The following ANKRD30BL variants were observed in gnomAD, a reference collection of about 807,000 sequenced individuals.
The protein encoded by ANKRD30BL is putative ankyrin repeat domain-containing protein 30B-like.
Under a neutral mutation model 18.4 loss-of-function variants are expected in ANKRD30BL, and 20 were observed. The observed-to-expected ratio is 1.09, with a 90% CI of 0.77 to 1.58. ANKRD30BL has a LOEUF of 1.58. Among genes scored for constraint, ANKRD30BL ranks in the 40% most tolerant of loss-of-function variants. The pLI is 0.00. For missense variants in ANKRD30BL, 224 were observed against 268.6 expected, an observed-to-expected ratio of 0.83 and a Z score of 1.16; for synonymous variants, 72 against 100.9, an observed-to-expected ratio of 0.71 and a Z score of 1.72.
At chr2:132,253,736 G>C (rs1227553532) in intron 1 of ANKRD30BL, among the ~76,000 whole-genome samples, 1 of 151,512 alleles carries the variant, frequency 6.6e-6, no homozygotes, top group Non-Finnish European at 1.5e-5. Flanking sequence ...GCAGACCGGC[G>C]ACCCCTCAAG....
intron 1 of ANKRD30BL, among the ~76,000 whole-genome samples, chr2:132,235,755 C>T (rs988270757): frequency 7.2e-5 from 11 of 152,046 alleles, no homozygotes; most frequent in African/African-American, 2.7e-4. Context: ...TGAAAATGGC[C>T]ATACTGCCCA....
chr2:132,236,800 A>G (rs1246783903), intron 1 of ANKRD30BL, among the ~76,000 whole-genome samples: 1 of 152,000 alleles, frequency 6.6e-6, no homozygotes, highest in Non-Finnish European at 1.5e-5. Context: ...ACTATAAATC[A>G]TGCTGCTATA....
At chr2:132,202,950 G>A (rs903978925) in intron 1 of ANKRD30BL, among the ~76,000 whole-genome samples, 1 of 152,200 alleles carries the variant, frequency 6.6e-6, no homozygotes. Flanking sequence ...TTATTACTGG[G>A]AGAGCCTCAC....
intron 1 of ANKRD30BL, among the ~76,000 whole-genome samples, chr2:132,159,270 G>T (rs1558913719): frequency 6.6e-6 from 1 of 152,022 alleles, no homozygotes; most frequent in East Asian, 1.9e-4. Context: ...TAAATTCACT[G>T]AAATGTATTT....
intron 1 of ANKRD30BL, among the ~76,000 whole-genome samples, chr2:132,160,719 C>T (rs76038871): frequency 8.6e-5 from 13 of 152,018 alleles, no homozygotes; most frequent in Non-Finnish European, 1.9e-4. Context: ...TGATCCACCG[C>T]GCCTGGCCAT....
chr2:132,225,669 T>A (rs1455865133), intron 1 of ANKRD30BL, among the ~76,000 whole-genome samples: 1 of 152,048 alleles, frequency 6.6e-6, no homozygotes. Flanking sequence ...TATCTTCACA[T>A]AAACACTAGA....
chr2:132,184,075 C>G (rs1440706963), intron 1 of ANKRD30BL, among the ~76,000 whole-genome samples: 1 of 151,740 alleles, frequency 6.6e-6, no homozygotes, highest in Admixed American at 6.6e-5. Flanking sequence ...ATAAAGGAAT[C>G]AAGATTTTTT....
At chr2:132,246,083 T>C (rs370263897) in intron 1 of ANKRD30BL, among the ~76,000 whole-genome samples, 1 of 136,780 alleles carries the variant, frequency 7.3e-6, no homozygotes, top group African/African-American at 2.7e-5. Context: ...ATCTGCAAGT[T>C]GATATTTGGA....
chr2:132,156,246 G>A (rs963525758), intron 3 of ANKRD30BL: 23 of 151,982 alleles, frequency 1.5e-4, no homozygotes, highest in African/African-American at 5.3e-4. Flanking sequence ...AAGGCTTAAA[G>A]GCTTTCTAAT....
chr2:132,147,876 G>A lies in ANKRD30BL; in HGVS notation c.*255C>T, dbSNP rs1453104755. On this transcript the variant is annotated 3_prime_UTR_variant, in exon 6 of 6. Transcript: ENST00000409867. ...TCTAAGGATGACTAAGGACAGAGCA[G>A]GTTACTAAGAATGACTAAAGACAAA... 12 of 448,466 alleles carry A rather than the reference G, an allele frequency of 2.7e-5. No individual in the cohort carries two copies. The highest frequency in any genetic ancestry group is 3.5e-5 in the Admixed American group (1 of 28,444). The allele number at this position is 448,466 out of a possible 1,614,324, so 27.8% of individuals were successfully genotyped here. A position where few individuals can be genotyped will look rare whatever the true frequency, so the allele number is the denominator to read the frequency against.
At chr2:132,160,550 T>C (rs1371516212) in intron 1 of ANKRD30BL, among the ~76,000 whole-genome samples, 1 of 151,750 alleles carries the variant, frequency 6.6e-6, no homozygotes, top group Non-Finnish European at 1.5e-5. Context: ...ACCATTCTCC[T>C]GACTCAGCCT....
intron 1 of ANKRD30BL, among the ~76,000 whole-genome samples, chr2:132,252,464 G>A (rs1573897877): frequency 6.6e-6 from 1 of 151,948 alleles, no homozygotes; most frequent in South Asian, 2.1e-4. Context: ...ACGGGACCAT[G>A]GCCATGAGCA....
chr2:132,204,828 A>G (rs1033346696), intron 1 of ANKRD30BL, among the ~76,000 whole-genome samples: 5 of 152,226 alleles, frequency 3.3e-5, no homozygotes, highest in African/African-American at 1.2e-4. Flanking sequence ...AAAATATAAA[A>G]TGTGTTTATG....
At chr2:132,198,268 TTTTCTTTCTTTC>T (rs1372612115) in intron 1 of ANKRD30BL, among the ~76,000 whole-genome samples, 21 of 109,800 alleles carry the variant, frequency 1.9e-4, no homozygotes, top group South Asian at 5.8e-4. Flanking sequence ...TCTTTCTTTC[TTTTCTTTCTTTC>T]TTTCTTTCTT....
chr2:132,157,746 C>G (rs1433497194), intron 1 of ANKRD30BL, among the ~76,000 whole-genome samples: 1 of 152,154 alleles, frequency 6.6e-6, no homozygotes, highest in Non-Finnish European at 1.5e-5. Flanking sequence ...AAGATGAATA[C>G]AGTAGTTATC....
intron 3 of ANKRD30BL, 147 bp downstream of exon 3, chr2:132,156,826 C>T (rs1687917665): frequency 7.5e-6 from 3 of 398,132 alleles, no homozygotes; most frequent in Non-Finnish European, 1.3e-5. Context: ...ATATTTAAAG[C>T]AAAATCCTAG....
At chr2:132,253,616 T>C (rs1207326798) in intron 1 of ANKRD30BL, among the ~76,000 whole-genome samples, 1 of 151,990 alleles carries the variant, frequency 6.6e-6, no homozygotes, top group East Asian at 2.0e-4. Flanking sequence ...GACACGCAAG[T>C]GTGGCGTGGC....
intron 1 of ANKRD30BL, among the ~76,000 whole-genome samples, chr2:132,188,460 T>C (rs995975971): frequency 1.3e-5 from 2 of 152,192 alleles, no homozygotes; most frequent in Non-Finnish European, 2.9e-5. Flanking sequence ...CTCACGCCTA[T>C]AATCCCAGCA....
intron 1 of ANKRD30BL, among the ~76,000 whole-genome samples, chr2:132,221,873 A>G (rs866613217): frequency 1.1e-3 from 59 of 55,688 alleles, no homozygotes; most frequent in South Asian, 2.3e-3. Flanking sequence ...GGGGAGGGGG[A>G]GTCAGCCCCC....
Sources: allele counts gnomAD v4.1 joint callset (sites outside exome capture counted in the v4.1 genomes callset), GRCh38; gene constraint gnomAD v4.1.1; transcripts MANE v1.5; gene names NCBI Gene and HGNC (gene_info 2026-07-23, HGNC 2026-07-21).